Variants in SIPA1L1 observed in about 807,000 individuals in gnomAD.
SIPA1L1 encodes the protein signal induced proliferation associated 1 like 1.
In SIPA1L1, 26 loss-of-function variants were observed where a neutral mutation model predicts 162.7. The ratio of observed to expected loss-of-function variants is 0.16; its 90% CI spans 0.12 to 0.22. SIPA1L1 has a LOEUF of 0.22. SIPA1L1 is among the 10% of genes least tolerant of loss of function. The probability of loss-of-function intolerance (pLI) is 1.00; values close to 1 mark genes in which losing one functional copy is unlikely to be tolerated. For synonymous variants in SIPA1L1, 829 were observed against 837.4 expected (o/e 0.99, Z 0.17); for missense variants, 1,874 against 2,241.0 (o/e 0.84, Z 3.31).
chr14:71,618,552 C>T (rs572120212), intron 5 of SIPA1L1, among the ~76,000 whole-genome samples: 24 of 152,214 alleles, frequency 1.6e-4, no homozygotes, highest in South Asian at 8.3e-4. Flanking sequence ...ACAGGCCACC[C>T]GTGTTCAGTG....
intron 2 of SIPA1L1, among the ~76,000 whole-genome samples, chr14:71,396,376 C>G (rs1436110834): frequency 6.6e-6 from 1 of 152,202 alleles, no homozygotes; most frequent in Non-Finnish European, 1.5e-5. Flanking sequence ...TGCCAGACTT[C>G]TAGCAGACCC....
chr14:71,454,463 CTTATA>C lies in SIPA1L1; in HGVS notation c.-464-58276_-464-58272del, dbSNP rs1448347303. 1.2e-4 allele frequency among the ~76,000 whole-genome samples: 19 copies of C among 152,186 alleles called. 1 individual carries two copies. The South Asian group carries it at 3.5e-3, about 28-fold the overall frequency. ...GAGAGTTGTTCTTGATTTATACTTT[CTTATA>C]TTAATATTAAGTAAACATTTTAATT... is the stretch of plus-strand genomic sequence containing the variant. On this transcript the variant is annotated intron_variant, in intron 2 of 23. Transcript: ENST00000381232.
At chr14:71,537,095 C>A (rs1009571995) in intron 4 of SIPA1L1, among the ~76,000 whole-genome samples, 1 of 152,146 alleles carries the variant, frequency 6.6e-6, no homozygotes, top group African/African-American at 2.4e-5. Context: ...TATTCACAGC[C>A]CTAATGGTAG....
chr14:71,583,738 T>C (rs565815452), intron 4 of SIPA1L1, among the ~76,000 whole-genome samples: 1 of 152,176 alleles, frequency 6.6e-6, no homozygotes, highest in South Asian at 2.1e-4. Flanking sequence ...CATTGTAAAA[T>C]AGGTAAATAA....
At position 71,578,714 on chromosome 14, in the gene SIPA1L1, C is replaced by A. The variant is rs539256101; in HGVS notation, c.-302-8857C>A. Among the ~76,000 whole-genome samples the A allele has an allele frequency of 8.5e-5, 13 of 152,352 alleles. No homozygotes were observed. The South Asian group carries it at 2.3e-3, about 27-fold the overall frequency. ...ATTTGTCAGTACTGTAAATTTACTTCATCTGTCTGACGTGGCAGGCAACTG... is the reference window on the plus strand; with the variant it reads ...ATTTGTCAGTACTGTAAATTTACTTAATCTGTCTGACGTGGCAGGCAACTG... On this transcript the variant is annotated intron_variant, in intron 4 of 23. Coordinates refer to ENST00000381232, the MANE Select transcript of SIPA1L1 (RefSeq NM_001386936.1).
At chr14:71,573,830 G>C (rs2032540073) in intron 4 of SIPA1L1, 1 of 399,220 alleles carries the variant, frequency 2.5e-6, no homozygotes, top group South Asian at 1.9e-5. Context: ...AATGTGTATA[G>C]TGTTGTTTTG....
chr14:71,649,674 A>T (rs1476621370), intron 7 of SIPA1L1, among the ~76,000 whole-genome samples: 1 of 152,192 alleles, frequency 6.6e-6, no homozygotes, highest in Non-Finnish European at 1.5e-5. Context: ...CCATTAGCTG[A>T]TTTGCCATTG....
intron 22 of SIPA1L1, among the ~76,000 whole-genome samples, chr14:71,736,847 A>G (rs1034328439): frequency 3.3e-5 from 5 of 152,234 alleles, no homozygotes; most frequent in African/African-American, 4.8e-5. Context: ...GACTGAACAA[A>G]TGGAAATGGA....
At chr14:71,433,886 T>C (rs1248020382) in intron 2 of SIPA1L1, among the ~76,000 whole-genome samples, 2 of 152,336 alleles carry the variant, frequency 1.3e-5, no homozygotes, top group East Asian at 1.9e-4. Context: ...TCTATCTTTA[T>C]ATTCTCTACA....
At chr14:71,605,226 T>G (rs553241210) in intron 5 of SIPA1L1, among the ~76,000 whole-genome samples, 1 of 152,294 alleles carries the variant, frequency 6.6e-6, no homozygotes, top group Admixed American at 6.5e-5. Context: ...CTTCTAATAT[T>G]TCTGTTTGTT....
At chr14:71,687,992 C>T (rs916133220) in intron 13 of SIPA1L1, among the ~76,000 whole-genome samples, 1 of 152,092 alleles carries the variant, frequency 6.6e-6, no homozygotes, top group African/African-American at 2.4e-5. Flanking sequence ...TGTGAGATCT[C>T]AGTCCTACAG....
intron 2 of SIPA1L1, among the ~76,000 whole-genome samples, chr14:71,345,835 T>G (rs2036110082): frequency 6.6e-6 from 1 of 152,096 alleles, no homozygotes; most frequent in South Asian, 2.1e-4. Context: ...CCTAAAGTGT[T>G]GGGATTACAG....
In SIPA1L1 at chr14:71,667,298, G is replaced by C. The variant is rs1237955659; in HGVS notation, c.2256-3821G>C. 2.0e-5 allele frequency among the ~76,000 whole-genome samples: 3 copies of C among 151,898 alleles called. No homozygotes were observed. The East Asian group carries it at 5.8e-4, about 29-fold the overall frequency. On this transcript the variant is annotated intron_variant, in intron 10 of 23. Transcript: ENST00000381232. ...TCCTGCTTTTCTTTTTTCTGAGAAGGCTCCCTGGACCTCCCAGGACTAAAG... is the reference window on the plus strand; with the variant it reads ...TCCTGCTTTTCTTTTTTCTGAGAAGCCTCCCTGGACCTCCCAGGACTAAAG...
intron 2 of SIPA1L1, among the ~76,000 whole-genome samples, chr14:71,504,524 A>G (rs1482416023): frequency 1.3e-5 from 2 of 152,202 alleles, no homozygotes; most frequent in African/African-American, 4.8e-5. Context: ...AAAAGATACC[A>G]TATTTTTAAA....
At chr14:71,354,562 C>A (rs1157204136) in intron 2 of SIPA1L1, among the ~76,000 whole-genome samples, 1 of 151,380 alleles carries the variant, frequency 6.6e-6, no homozygotes, top group Non-Finnish European at 1.5e-5. Flanking sequence ...TGGGCGTGAG[C>A]CACCGCGCCT....
intron 4 of SIPA1L1, among the ~76,000 whole-genome samples, chr14:71,572,587 A>C (rs1035192526): frequency 3.9e-5 from 6 of 152,178 alleles, no homozygotes; most frequent in African/African-American, 1.4e-4. Context: ...TGTTCCCCAG[A>C]ATACCTCTTC....
intron 10 of SIPA1L1, among the ~76,000 whole-genome samples, chr14:71,670,277 T>C (rs1264692641): frequency 6.6e-6 from 1 of 152,210 alleles, no homozygotes; most frequent in Non-Finnish European, 1.5e-5. Context: ...AATAATAAGT[T>C]ATTACAAATG....
At chr14:71,410,659 G>A (rs1043796260) in intron 2 of SIPA1L1, among the ~76,000 whole-genome samples, 16 of 152,134 alleles carry the variant, frequency 1.1e-4, no homozygotes, top group Non-Finnish European at 1.9e-4. Context: ...CATTAAAAAC[G>A]TTTCAGATTT....
At chr14:71,372,238 G>A (rs1304426730) in intron 2 of SIPA1L1, among the ~76,000 whole-genome samples, 1 of 152,136 alleles carries the variant, frequency 6.6e-6, no homozygotes, top group African/African-American at 2.4e-5. Flanking sequence ...AAGCAATTGG[G>A]TGGTAATGAC....
Sources: gnomAD v4.1 joint callset for allele counts (sites outside exome capture counted in the v4.1 genomes callset) on GRCh38, gnomAD v4.1.1 for gene constraint, MANE v1.5 for transcripts, NCBI Gene and HGNC (gene_info 2026-07-23, HGNC 2026-07-21) for gene names.